The following FER variants were observed in gnomAD, a reference collection of about 807,000 sequenced individuals.
The protein encoded by FER is FER tyrosine kinase.
Under a neutral mutation model 111.0 loss-of-function variants are expected in FER, and 63 were observed. The ratio of observed to expected loss-of-function variants is 0.57; its 90% CI spans 0.46 to 0.70. FER has a LOEUF of 0.70. Among genes scored for constraint, FER ranks in the 30% least tolerant of loss-of-function variants. The pLI is 0.00. For synonymous variants in FER, 327 were observed against 313.9 expected, an observed-to-expected ratio of 1.04 and a Z score of -0.44; for missense variants, 914 against 954.0, an observed-to-expected ratio of 0.96 and a Z score of 0.55.
intron 2 of FER, chr5:108,785,515 C>A (rs1371391057): frequency 1.8e-6 from 1 of 561,878 alleles, no homozygotes; most frequent in Admixed American, 1.9e-5. Context: ...ACACAGACAA[C>A]CTGGTGTGAG....
chr5:109,178,724 C>T (rs1170969103), intron 17 of FER, among the ~76,000 whole-genome samples: 1 of 152,200 alleles, frequency 6.6e-6, no homozygotes, highest in East Asian at 1.9e-4. Context: ...CTAGTGGGAT[C>T]TGAAATCAGG....
intron 8 of FER, among the ~76,000 whole-genome samples, chr5:108,879,922 CTGGT>C (rs1211747192): frequency 4.6e-5 from 7 of 151,726 alleles, no homozygotes; most frequent in Admixed American, 1.3e-4. Flanking sequence ...GTTGGCCAGG[CTGGT>C]CTCAAACTCC....
At chr5:109,121,007 G>T (rs1200936584) in intron 17 of FER, among the ~76,000 whole-genome samples, 2 of 151,996 alleles carry the variant, frequency 1.3e-5, no homozygotes, top group Non-Finnish European at 2.9e-5. Context: ...GAGTCTTTAG[G>T]TATTTTCAAA....
intron 13 of FER, among the ~76,000 whole-genome samples, chr5:109,007,408 C>T (rs1048787742): frequency 2.0e-5 from 3 of 152,032 alleles, no homozygotes; most frequent in Non-Finnish European, 4.4e-5. Flanking sequence ...TGTTTACCAC[C>T]ACAGTCAAAT....
intron 5 of FER, among the ~76,000 whole-genome samples, chr5:108,840,876 A>G (rs1761192241): frequency 6.6e-6 from 1 of 152,196 alleles, no homozygotes; most frequent in Non-Finnish European, 1.5e-5. Context: ...AAGTAACTGC[A>G]GAGAGATACA....
chr5:109,125,064 A>AAAAAG (rs1751537192), intron 17 of FER, among the ~76,000 whole-genome samples: 2 of 150,534 alleles, frequency 1.3e-5, no homozygotes. Context: ...AAAAAAAAAA[A>AAAAAG]GAAGAAAGAT....
chr5:109,172,399 C>T (rs368344794), intron 17 of FER, among the ~76,000 whole-genome samples: 3 of 146,598 alleles, frequency 2.0e-5, no homozygotes, highest in East Asian at 2.0e-4. Flanking sequence ...AGACCAAACA[C>T]TGCATGTTCT....
intron 10 of FER, among the ~76,000 whole-genome samples, chr5:108,941,388 A>G (rs981179084): frequency 6.6e-6 from 1 of 152,162 alleles, no homozygotes; most frequent in Admixed American, 6.6e-5. Context: ...CAAAGATTAT[A>G]TGACACACCA....
At chr5:108,831,436 T>G (rs1760033625) in intron 3 of FER, among the ~76,000 whole-genome samples, 1 of 152,154 alleles carries the variant, frequency 6.6e-6, no homozygotes, top group Non-Finnish European at 1.5e-5. Context: ...CTTTGTTACA[T>G]TTTAGATTTT....
chr5:109,013,494 G>T (rs1246850560), intron 13 of FER, among the ~76,000 whole-genome samples: 2 of 150,968 alleles, frequency 1.3e-5, no homozygotes, highest in Non-Finnish European at 3.0e-5. Flanking sequence ...GGACATTTGG[G>T]TTGGTTCCAA....
chr5:108,768,209 A>G lies in FER; in HGVS notation c.-89A>G, dbSNP rs184164646. The G allele has an allele frequency of 7.9e-5, 12 of 152,310 alleles. No homozygotes were observed. Among genetic ancestry groups the G allele is most frequent in the Admixed American group, 2.0e-4 (3 of 15,300 alleles). The allele number at this position is 152,310 out of a possible 1,614,324, so 9.4% of individuals were successfully genotyped here. On this transcript the variant is annotated 5_prime_UTR_variant, in exon 2 of 20. The change abolishes the stop of an existing upstream ORF in the 5' untranslated region. Transcript: ENST00000281092. ...TCATCATGGACACGCTACTTTAGCT[A>G]AGGCATGACCAGCAATGAACAGTAG...
At chr5:108,902,521 T>G (rs556727079) in intron 10 of FER, among the ~76,000 whole-genome samples, 2 of 152,330 alleles carry the variant, frequency 1.3e-5, no homozygotes, top group Admixed American at 1.3e-4. Flanking sequence ...TCTAAGCCTT[T>G]AATATTAAAT....
rs1750320302 is a variant in FER at position 109,116,895 on chromosome 5, T to G, written c.2048+16376T>G. 2.6e-5 allele frequency among the ~76,000 whole-genome samples: 4 copies of G among 152,272 alleles called. No homozygotes were observed. In the South Asian group the frequency reaches 8.3e-4, roughly 32 times the overall value. On this transcript the variant is annotated intron_variant, in intron 17 of 19. Coordinates refer to ENST00000281092, the MANE Select transcript of FER (RefSeq NM_005246.4). The stretch of plus-strand genomic sequence containing the variant: ...GAAATGAATAATAAATACGTATTTT[T>G]GTGATTATGCTTTTTAAAAAGGCCA...
rs192133999 is a variant in FER, at chr5:108,988,448, A to G, written c.1656+29101A>G. On this transcript the variant is annotated intron_variant, in intron 13 of 19. Transcript: ENST00000281092. The stretch of plus-strand genomic sequence containing the variant: ...TTTTTGTTGGCAAGTTTTTATTACC[A>G]TTTCAATCTCACTGCTTATTACTGA... 7.7e-3 allele frequency among the ~76,000 whole-genome samples: 1,165 copies of G among 152,126 alleles called. 11 individuals carry two copies. Among genetic ancestry groups the G allele is most frequent in the African/African-American group, 0.027 (1,138 of 41,516 alleles).
chr5:109,128,402 G>C (rs547524601), intron 17 of FER, among the ~76,000 whole-genome samples: 1 of 152,160 alleles, frequency 6.6e-6, no homozygotes, highest in East Asian at 1.9e-4. Context: ...AGTCTTCTAA[G>C]TAAGTCATTC....
At chr5:108,804,936 A>T (rs747252430) in intron 3 of FER, among the ~76,000 whole-genome samples, 57 of 149,608 alleles carry the variant, frequency 3.8e-4, no homozygotes, top group Non-Finnish European at 7.4e-4. Context: ...TTGTACATCT[A>T]GTAGAATTTG....
Position 108,810,184 on chromosome 5 carries a change from TGG to T in FER, c.207+11796_207+11797del, listed in dbSNP as rs1402368634. Among the ~76,000 whole-genome samples the T allele has an allele frequency of 4.6e-5, 7 of 152,230 alleles. No homozygotes were observed. The East Asian group carries it at 1.3e-3, about 29-fold the overall frequency. On this transcript the variant is annotated intron_variant, in intron 3 of 19. Transcript: ENST00000281092. ...GTAATGTCTTTTTGGCTCTGCCGTA[TGG>T]ACTTCCGTTGGCAGGTTTTATACTG... is the stretch of plus-strand genomic sequence containing the variant.
chr5:108,796,152 G>A (rs1201312538), intron 2 of FER, among the ~76,000 whole-genome samples: 3 of 152,178 alleles, frequency 2.0e-5, no homozygotes, highest in Non-Finnish European at 4.4e-5. Flanking sequence ...TTGTGGTCTT[G>A]GATAAGATCT....
chr5:109,167,483 C>CTA (rs1202932053), intron 17 of FER, among the ~76,000 whole-genome samples: 2 of 152,164 alleles, frequency 1.3e-5, no homozygotes, highest in African/African-American at 4.8e-5. Context: ...CATCTCTTTT[C>CTA]TACACCATCA....
Sources: allele counts gnomAD v4.1 joint callset (sites outside exome capture counted in the v4.1 genomes callset), GRCh38; gene constraint gnomAD v4.1.1; transcripts MANE v1.5; gene names NCBI Gene and HGNC (gene_info 2026-07-23, HGNC 2026-07-21).